The following RBFOX1 variants were observed in gnomAD, a reference collection of about 807,000 sequenced individuals.
RBFOX1 encodes RNA binding protein fox-1 homolog 1.
In RBFOX1, 8 loss-of-function variants were observed where a neutral mutation model predicts 57.7. The observed-to-expected ratio is 0.14, with a 90% CI of 0.08 to 0.25. The LOEUF (loss-of-function observed/expected upper bound fraction) is 0.25, where lower values mean the gene tolerates loss of function less well. Ranked by LOEUF, RBFOX1 falls within the 10% of genes least tolerant of loss-of-function variation. The pLI, the probability that RBFOX1 is intolerant of heterozygous loss-of-function variation, is 1.00. For synonymous variants in RBFOX1, 326 were observed against 222.4 expected, an observed-to-expected ratio of 1.47 and a Z score of -4.15; for missense variants, 611 against 548.5, an observed-to-expected ratio of 1.11 and a Z score of -1.14.
intron 2 of RBFOX1, among the ~76,000 whole-genome samples, chr16:6,460,925 T>C (rs1006752725): frequency 8.6e-5 from 13 of 151,424 alleles, no homozygotes; most frequent in African/African-American, 2.9e-4. Flanking sequence ...TATGCAGCCA[T>C]AAAAAGGACT....
At chr16:5,623,646 C>T (rs922271364) in intron 3 of RBFOX1, among the ~76,000 whole-genome samples, 1 of 152,104 alleles carries the variant, frequency 6.6e-6, no homozygotes, top group Non-Finnish European at 1.5e-5. Flanking sequence ...TTACCCCTTC[C>T]CCCAGCTGCT....
chr16:6,995,424 T>A (rs536158046), intron 3 of RBFOX1, among the ~76,000 whole-genome samples: 1 of 151,606 alleles, frequency 6.6e-6, no homozygotes, highest in African/African-American at 2.4e-5. Flanking sequence ...ACCTATGGGG[T>A]GTTTTAAAAT....
intron 2 of RBFOX1, among the ~76,000 whole-genome samples, chr16:6,386,640 G>C (rs138809034): frequency 6.6e-6 from 1 of 152,200 alleles, no homozygotes; most frequent in Non-Finnish European, 1.5e-5. Context: ...GTCCCAAAGA[G>C]AGAAAAGAAG....
At chr16:6,599,993 T>C (rs1466815792) in intron 2 of RBFOX1, among the ~76,000 whole-genome samples, 1 of 152,170 alleles carries the variant, frequency 6.6e-6, no homozygotes, top group African/African-American at 2.4e-5. Context: ...GTTGTCCTAT[T>C]GCCATCTTCT....
At chr16:5,637,287 T>G (rs1003544398) in intron 3 of RBFOX1, among the ~76,000 whole-genome samples, 2 of 152,154 alleles carry the variant, frequency 1.3e-5, no homozygotes, top group Non-Finnish European at 2.9e-5. Flanking sequence ...ATGGGGCAAG[T>G]GTCTAGAGCA....
At chr16:7,069,934 A>C (rs745876044) in intron 4 of RBFOX1, among the ~76,000 whole-genome samples, 2 of 152,238 alleles carry the variant, frequency 1.3e-5, no homozygotes, top group Non-Finnish European at 2.9e-5. Flanking sequence ...AAAATAGTAC[A>C]TTCGCCATAA....
intron 3 of RBFOX1, among the ~76,000 whole-genome samples, chr16:6,945,833 G>A (rs2079395746): frequency 6.6e-6 from 1 of 152,214 alleles, no homozygotes; most frequent in Non-Finnish European, 1.5e-5. Flanking sequence ...GGAGGTTGCA[G>A]TGTGCTGAGA....
chr16:5,706,342 C>T (rs1031185340), intron 3 of RBFOX1, among the ~76,000 whole-genome samples: 1 of 152,166 alleles, frequency 6.6e-6, no homozygotes, highest in East Asian at 1.9e-4. Flanking sequence ...AGTGGAAATA[C>T]AGTTCCAAGC....
intron 4 of RBFOX1, among the ~76,000 whole-genome samples, chr16:7,125,855 G>A (rs899649501): frequency 2.0e-5 from 3 of 152,132 alleles, no homozygotes; most frequent in Non-Finnish European, 4.4e-5. Context: ...GGCTGCGGTG[G>A]GTGGATTACC....
chr16:6,252,111 A>G (rs893949679), intron 1 of RBFOX1, among the ~76,000 whole-genome samples: 1 of 151,960 alleles, frequency 6.6e-6, no homozygotes, highest in Non-Finnish European at 1.5e-5. Flanking sequence ...AACTTCCCCT[A>G]TGACAGTCCA....
chr16:6,579,039 A>C (rs768450141), intron 2 of RBFOX1, among the ~76,000 whole-genome samples: 59 of 152,296 alleles, frequency 3.9e-4, no homozygotes, highest in Non-Finnish European at 8.2e-4. Context: ...AAAACCTATG[A>C]AAATATAAAA....
At chr16:7,328,477 CA>C (rs58553232) in intron 4 of RBFOX1, among the ~76,000 whole-genome samples, 2,676 of 60,620 alleles carry the variant, frequency 0.044, 12 homozygotes, top group African/African-American at 0.082. Flanking sequence ...GACTCTGTCT[CA>C]AAAAAAAAAA....
chr16:7,639,412 T>C (rs760961710), intron 11 of RBFOX1, among the ~76,000 whole-genome samples: 1 of 152,208 alleles, frequency 6.6e-6, no homozygotes, highest in Non-Finnish European at 1.5e-5. Flanking sequence ...TTCTCAGAGA[T>C]AATTCCTTCT....
At chr16:7,707,800 C>A (rs1284207426) in intron 14 of RBFOX1, among the ~76,000 whole-genome samples, 1 of 152,314 alleles carries the variant, frequency 6.6e-6, no homozygotes, top group African/African-American at 2.4e-5. Context: ...CGCAGATATT[C>A]ATCTCAGACG....
chr16:6,086,784 C>G (rs1417880626), intron 1 of RBFOX1, among the ~76,000 whole-genome samples: 5 of 152,182 alleles, frequency 3.3e-5, no homozygotes, highest in Non-Finnish European at 7.3e-5. Context: ...ATTTATTAAG[C>G]TAAACTGAAT....
rs191978739 is a variant in RBFOX1, at chr16:6,104,912, A to G, written c.-127+84920A>G. 3.1e-3 allele frequency among the ~76,000 whole-genome samples: 469 copies of G among 152,284 alleles called. 1 individual carries two copies. The highest frequency in any genetic ancestry group is 0.011 in the African/African-American group (456 of 41,554). Reference sequence around the variant, plus strand: ...AAACCTAACGTTGATTTTGATTGCAATTTTCCATTAGGCAAATACCTAGAA... The same window carrying G: ...AAACCTAACGTTGATTTTGATTGCAGTTTTCCATTAGGCAAATACCTAGAA... On this transcript the variant is annotated intron_variant, in intron 1 of 15. Coordinates refer to ENST00000550418, the MANE Select transcript of RBFOX1 (RefSeq NM_018723.4).
At chr16:7,393,394 A>G (rs1366976162) in intron 4 of RBFOX1, among the ~76,000 whole-genome samples, 3 of 152,168 alleles carry the variant, frequency 2.0e-5, no homozygotes, top group Non-Finnish European at 2.9e-5. Flanking sequence ...TCTTCACTGT[A>G]TGAAAAACCC....
chr16:6,472,195 G>A (rs373789983), intron 2 of RBFOX1, among the ~76,000 whole-genome samples: 3 of 152,190 alleles, frequency 2.0e-5, no homozygotes, highest in Non-Finnish European at 2.9e-5. Context: ...ACCAGGTAGG[G>A]GCATGTGTCT....
intron 3 of RBFOX1, among the ~76,000 whole-genome samples, chr16:6,981,411 C>T (rs1029652795): frequency 1.3e-5 from 2 of 152,138 alleles, no homozygotes; most frequent in African/African-American, 4.8e-5. Flanking sequence ...CATGTCCCTG[C>T]AAAGGACATC....
Sources: allele counts gnomAD v4.1 joint callset (sites outside exome capture counted in the v4.1 genomes callset), GRCh38; gene constraint gnomAD v4.1.1; transcripts MANE v1.5; gene names NCBI Gene and HGNC (gene_info 2026-07-23, HGNC 2026-07-21).